Variants in HSD17B3 observed in about 807,000 individuals in gnomAD.
HSD17B3 encodes 17-beta-hydroxysteroid dehydrogenase type 3.
HSD17B3 carries 29 observed loss-of-function variants against 41.1 expected under a neutral mutation model. The ratio of observed to expected loss-of-function variants is 0.71; its 90% confidence interval spans 0.53 to 0.96. HSD17B3 has a LOEUF of 0.96. HSD17B3 is among the 40% of genes least tolerant of loss of function. The pLI, the probability that HSD17B3 is intolerant of heterozygous loss-of-function variation, is 0.00. For synonymous variants in HSD17B3, 126 were observed against 145.6 expected (o/e 0.87, Z 0.97); for missense variants, 323 against 374.6 (o/e 0.86, Z 1.14).
At chr9:96,294,844 C>T (rs1273856801) in intron 2 of HSD17B3, among the ~76,000 whole-genome samples, 3 of 152,088 alleles carry the variant, frequency 2.0e-5, no homozygotes, top group South Asian at 2.1e-4. Flanking sequence ...ACTCATCTAC[C>T]GAGTGTCAGC....
intron 2 of HSD17B3, among the ~76,000 whole-genome samples, chr9:96,289,543 T>C (rs1329768057): frequency 6.6e-6 from 1 of 152,162 alleles, no homozygotes; most frequent in Non-Finnish European, 1.5e-5. Context: ...AGCACCTTTG[T>C]CTCCCAATTC....
chr9:96,296,922 T>C (rs530709316), intron 2 of HSD17B3, among the ~76,000 whole-genome samples: 2 of 151,818 alleles, frequency 1.3e-5, no homozygotes, highest in Admixed American at 6.6e-5. Context: ...GAGGACACAT[T>C]GCTTCGGGAG....
chr9:96,279,810 C>A lies in HSD17B3; in HGVS notation c.201+18606G>T, dbSNP rs137951068. 3.1e-3 allele frequency among the ~76,000 whole-genome samples: 476 copies of A among 151,894 alleles called. 2 individuals are homozygous for A. Among genetic ancestry groups the A allele is most frequent in the African/African-American group, 0.011 (459 of 41,402 alleles). On this transcript the variant is annotated intron_variant, in intron 2 of 10. Transcript: ENST00000375263. ...TTTTAGATGGAGTCTCGCTCTGTCA[C>A]CCAGGCTGGAGTGCAGTGGCGCGAT...
chr9:96,266,457 T>C (rs929067402), intron 2 of HSD17B3, among the ~76,000 whole-genome samples: 2 of 151,360 alleles, frequency 1.3e-5, no homozygotes, highest in Non-Finnish European at 2.9e-5. Flanking sequence ...TTTGGTAGAG[T>C]TGGGGTCTTG....
intron 2 of HSD17B3, among the ~76,000 whole-genome samples, chr9:96,262,053 G>A (rs1483665742): frequency 6.6e-6 from 1 of 152,076 alleles, no homozygotes; most frequent in Non-Finnish European, 1.5e-5. Context: ...CAACAGGAGT[G>A]GCGGCAGAGA....
chr9:96,277,107 A>T (rs1826492958), intron 2 of HSD17B3, among the ~76,000 whole-genome samples: 1 of 152,004 alleles, frequency 6.6e-6, no homozygotes, highest in African/African-American at 2.4e-5. Flanking sequence ...AGGCTGAGGC[A>T]GAAGAATGGT....
At position 96,293,308 on chromosome 9, in the gene HSD17B3, G is replaced by A. The variant is rs112188588; in HGVS notation, c.201+5108C>T. ...CATATTACACTCCATAAGGAGGGTG[G>A]GCCTCGTCTCGTCAGCTGAGGGCCT... On this transcript the variant is annotated intron_variant, in intron 2 of 10. Coordinates refer to ENST00000375263, the MANE Select transcript of HSD17B3 (RefSeq NM_000197.2). Among the ~76,000 whole-genome samples, 543 of 152,158 alleles carry A rather than the reference G, an allele frequency of 3.6e-3. 7 individuals are homozygous for A. The highest frequency in any genetic ancestry group is 0.012 in the African/African-American group (508 of 41,522).
At chr9:96,237,580 T>C (rs956335381) in intron 10 of HSD17B3, among the ~76,000 whole-genome samples, 2 of 152,238 alleles carry the variant, frequency 1.3e-5, no homozygotes, top group Non-Finnish European at 2.9e-5. Flanking sequence ...GAGGGCGTGC[T>C]ATCTTTGCCT....
At chr9:96,246,432 C>A in intron 7 of HSD17B3, 124 bp downstream of exon 7, 1 of 851,900 alleles carries the variant, frequency 1.2e-6, no homozygotes, top group Non-Finnish European at 2.0e-6. Flanking sequence ...CGTGTGCTTT[C>A]ATCATAGCTG....
At chr9:96,254,807 G>A (rs1825560836) in intron 3 of HSD17B3, 61 bp downstream of exon 3, 23 of 1,408,416 alleles carry the variant, frequency 1.6e-5, no homozygotes, top group Non-Finnish European at 2.1e-5. Context: ...AACTGGCATG[G>A]TGGGAGCAGG....
chr9:96,237,058 C>T (rs1210290669), intron 10 of HSD17B3, among the ~76,000 whole-genome samples: 1 of 152,188 alleles, frequency 6.6e-6, no homozygotes, highest in Non-Finnish European at 1.5e-5. Flanking sequence ...TCCCACTAGC[C>T]ACGTCGCTGA....
intron 2 of HSD17B3, among the ~76,000 whole-genome samples, chr9:96,281,157 C>T (rs1826676369): frequency 6.6e-6 from 1 of 152,086 alleles, no homozygotes; most frequent in African/African-American, 2.4e-5. Context: ...TTTCCTGTAA[C>T]ATCTTTCTGG....
chr9:96,251,768 C>T (rs1038136904), intron 4 of HSD17B3, among the ~76,000 whole-genome samples: 3 of 152,122 alleles, frequency 2.0e-5, no homozygotes, highest in African/African-American at 7.2e-5. Flanking sequence ...TATGACAAAA[C>T]AGCACATACG....
intron 2 of HSD17B3, among the ~76,000 whole-genome samples, chr9:96,270,953 C>CGGGG (rs34328277): frequency 2.4e-5 from 3 of 124,288 alleles, no homozygotes; most frequent in East Asian, 2.6e-4. Context: ...CAAATCCTCT[C>CGGGG]GGGGGGGGGG....
At chr9:96,280,887 A>T (rs7852386) in intron 2 of HSD17B3, among the ~76,000 whole-genome samples, 2 of 152,120 alleles carry the variant, frequency 1.3e-5, no homozygotes, top group Non-Finnish European at 2.9e-5. Flanking sequence ...GCGCCGTGAC[A>T]GTTTACAAAT....
At chr9:96,256,913 G>T (rs1228555893) in intron 2 of HSD17B3, among the ~76,000 whole-genome samples, 12 of 152,030 alleles carry the variant, frequency 7.9e-5, no homozygotes, top group African/African-American at 2.9e-4. Context: ...TTGGATCGTG[G>T]GGGCCATTTC....
At chr9:96,247,517 G>A (rs1417204500) in intron 6 of HSD17B3, among the ~76,000 whole-genome samples, 2 of 152,224 alleles carry the variant, frequency 1.3e-5, no homozygotes, top group African/African-American at 4.8e-5. Flanking sequence ...TGTCTTCGCT[G>A]CTGGGGGGCC....
intron 3 of HSD17B3, among the ~76,000 whole-genome samples, chr9:96,254,059 TTTG>T (rs1476546113): frequency 6.6e-6 from 1 of 151,834 alleles, no homozygotes; most frequent in African/African-American, 2.4e-5. Flanking sequence ...AGTTAAAGAG[TTTG>T]TTAATTATTA....
chr9:96,245,233 G>C, intron 8 of HSD17B3, 112 bp downstream of exon 8: 1 of 851,018 alleles, frequency 1.2e-6, no homozygotes. Context: ...GCACATAAGA[G>C]AGCATCTCCA....
Sources: gnomAD v4.1 joint callset for allele counts (sites outside exome capture counted in the v4.1 genomes callset) on GRCh38, gnomAD v4.1.1 for gene constraint, MANE v1.5 for transcripts, NCBI Gene and HGNC (gene_info 2026-07-23, HGNC 2026-07-21) for gene names.